Variants in COL6A5 observed in about 807,000 individuals in gnomAD.
COL6A5 encodes collagen alpha-5(VI) chain.
In COL6A5, 48 loss-of-function variants were observed where a neutral mutation model predicts 65.6. That is an observed-to-expected ratio of 0.73 (90% CI 0.58 to 0.93). The LOEUF (loss-of-function observed/expected upper bound fraction) is 0.93. Among genes scored for constraint, COL6A5 ranks in the 40% least tolerant of loss-of-function variants. The probability of loss-of-function intolerance (pLI) is 0.00; values close to 1 mark genes in which losing one functional copy is unlikely to be tolerated. For missense variants in COL6A5, 914 were observed against 928.3 expected (o/e 0.98, Z 0.20); for synonymous variants, 291 against 322.8 (o/e 0.90, Z 1.05).
chr3:130,367,396 A>G (rs894596566), intron 1 of COL6A5, among the ~76,000 whole-genome samples: 9 of 152,122 alleles, frequency 5.9e-5, no homozygotes, highest in South Asian at 2.1e-4. Flanking sequence ...TTGAAATAAT[A>G]CCTCATCCTC....
chr3:130,419,471 A>G (rs1459030015), intron 25 of COL6A5, among the ~76,000 whole-genome samples: 1 of 152,138 alleles, frequency 6.6e-6, no homozygotes, highest in Non-Finnish European at 1.5e-5. Flanking sequence ...TTTACCAAGC[A>G]CAAACATTTT....
intron 1 of COL6A5, among the ~76,000 whole-genome samples, chr3:130,436,458 A>C (rs999819136): frequency 1.7e-4 from 26 of 152,008 alleles, no homozygotes; most frequent in Non-Finnish European, 3.7e-4. Context: ...AGGGAAAAAA[A>C]ACATTGTCTA....
At chr3:130,424,668 G>A (rs563840771) in intron 29 of COL6A5, among the ~76,000 whole-genome samples, 16 of 152,236 alleles carry the variant, frequency 1.1e-4, no homozygotes, top group Middle Eastern at 3.4e-3. Context: ...AGCAAAAAAC[G>A]TGAATGGTTT....
intron 5 of COL6A5, among the ~76,000 whole-genome samples, chr3:130,463,346 A>G (rs1709742746): frequency 1.3e-5 from 2 of 152,082 alleles, no homozygotes. Flanking sequence ...GCCACTGGAT[A>G]ACTCATGCAT....
chr3:130,471,892 A>G (rs998733390), intron 7 of COL6A5: 19 of 1,534,798 alleles, frequency 1.2e-5, no homozygotes, highest in Non-Finnish European at 1.6e-5. Context: ...AAGAAATTTC[A>G]GCTCTAGTGG....
At chr3:130,476,829 A>G (rs971042739) in intron 7 of COL6A5, 1 of 645,724 alleles carries the variant, frequency 1.5e-6, no homozygotes, top group Non-Finnish European at 2.9e-6. Flanking sequence ...TTCTGTTGTA[A>G]TGATATTATA....
At chr3:130,436,987 A>G (rs1709049739) in intron 1 of COL6A5, among the ~76,000 whole-genome samples, 1 of 152,166 alleles carries the variant, frequency 6.6e-6, no homozygotes, top group Non-Finnish European at 1.5e-5. Flanking sequence ...TTGCATGCTA[A>G]TGGATGTTTC....
Position 130,463,398 on chromosome 3 carries a change from A to G in COL6A5, c.1545-5397A>G, listed in dbSNP as rs567575753. Among the ~76,000 whole-genome samples the G allele has an allele frequency of 5.9e-5, 9 of 152,212 alleles. No individual in the cohort carries two copies. In the South Asian group the frequency reaches 1.9e-3, roughly 32 times the overall value. ...CAAATGCCATGAAAGGCAGCATAGCAGCCTGACAGCATATCTAATCCCAGT... is the reference window on the plus strand; with the variant it reads ...CAAATGCCATGAAAGGCAGCATAGCGGCCTGACAGCATATCTAATCCCAGT... On this transcript the variant is annotated intron_variant, in intron 5 of 7. Transcript: ENST00000512836.
chr3:130,370,946 G>A (rs1376124449), intron 1 of COL6A5, among the ~76,000 whole-genome samples: 1 of 152,128 alleles, frequency 6.6e-6, no homozygotes, highest in Non-Finnish European at 1.5e-5. Context: ...GGTACTCTGG[G>A]CTCCAGTGTT....
chr3:130,365,269 ATGTTTTGTTT>A (rs61258830), intron 1 of COL6A5, among the ~76,000 whole-genome samples: 1,580 of 152,022 alleles, frequency 0.01, 25 homozygotes, highest in African/African-American at 0.036. Flanking sequence ...CTCCTTTAAG[ATGTTTTGTTT>A]TGTTTTGTTT....
intron 7 of COL6A5, among the ~76,000 whole-genome samples, chr3:130,392,984 A>C (rs1370571769): frequency 6.6e-6 from 1 of 151,664 alleles, no homozygotes; most frequent in African/African-American, 2.4e-5. Context: ...CCCCTCCCTC[A>C]GTCCTGACAC....
exon 5 of COL6A5, chr3:130,384,843 T>A (rs192615836): frequency 1.9e-6 from 3 of 1,549,910 alleles, no homozygotes; most frequent in Admixed American, 3.9e-5. Context: ...CACTTCCTCA[T>A]TGATGGCTCA....
At chr3:130,391,580 G>A (rs1263301697) in exon 7 of COL6A5, 1 of 1,551,676 alleles carries the variant, frequency 6.4e-7, no homozygotes, top group Admixed American at 2.0e-5. Flanking sequence ...CACAGCATTG[G>A]AACTGAGAAA....
chr3:130,432,953 T>G (rs183983518), intron 1 of COL6A5, among the ~76,000 whole-genome samples: 1 of 152,290 alleles, frequency 6.6e-6, no homozygotes, highest in East Asian at 1.9e-4. Flanking sequence ...TATATTCAGA[T>G]TATCCATAAA....
chr3:130,367,390 A>G (rs1002830732), intron 1 of COL6A5, among the ~76,000 whole-genome samples: 4 of 152,170 alleles, frequency 2.6e-5, no homozygotes. Context: ...CCTCATTTGA[A>G]ATAATACCTC....
intron 20 of COL6A5, 79 bp downstream of exon 20, chr3:130,410,603 C>T (rs903652115): frequency 8.1e-7 from 1 of 1,238,468 alleles, no homozygotes; most frequent in Non-Finnish European, 1.1e-6. Context: ...TTGTTGTGCA[C>T]AGTTGGCTGA....
intron 17 of COL6A5, among the ~76,000 whole-genome samples, 185 bp downstream of exon 17, chr3:130,406,506 A>C (rs1391056): frequency 0.84 from 127,119 of 151,978 alleles, 53,314 homozygotes; most frequent in Non-Finnish European, 0.86. Context: ...ATGTAATTTT[A>C]AAGAATTTCC....
rs5852597 is a variant in COL6A5 at position 130,439,339 on chromosome 3, T to TTGTG, written c.488-146_488-143dup. ...TGTTATGTTTGGGATAAGCAGGGGA[T>TTGTG]TGTGTGTGTGTGTGTGTGTGTGTGT... On this transcript the variant is annotated intron_variant, in intron 1 of 7. Transcript: ENST00000512836. 3.5e-3 allele frequency among the ~76,000 whole-genome samples: 516 copies of TTGTG among 146,660 alleles called. 6 individuals carry two copies. The highest frequency in any genetic ancestry group is 0.014 in the East Asian group (69 of 4,984).
intron 1 of COL6A5, among the ~76,000 whole-genome samples, chr3:130,346,842 G>A (rs1027265678): frequency 3.9e-5 from 6 of 152,130 alleles, no homozygotes; most frequent in African/African-American, 1.4e-4. Context: ...TATTTACTTT[G>A]TGAATTCTGA....
Sources: gnomAD v4.1 joint callset for allele counts (sites outside exome capture counted in the v4.1 genomes callset) on GRCh38, gnomAD v4.1.1 for gene constraint, MANE v1.5 for transcripts, NCBI Gene and HGNC (gene_info 2026-07-23, HGNC 2026-07-21) for gene names.